Variants in SNTG2 observed in about 807,000 individuals in gnomAD.
The protein encoded by SNTG2 is gamma-2-syntrophin.
A neutral mutation model predicts 70.9 loss-of-function variants in SNTG2; 74 were observed. That is an observed-to-expected ratio of 1.04 (90% CI 0.86 to 1.27). The LOEUF (loss-of-function observed/expected upper bound fraction) is 1.27. SNTG2 is among the 50% of genes most tolerant of loss of function. The probability of loss-of-function intolerance (pLI) is 0.00; values close to 1 mark genes in which losing one functional copy is unlikely to be tolerated. For synonymous variants in SNTG2, 278 were observed against 273.8 expected, an observed-to-expected ratio of 1.02 and a Z score of -0.15; for missense variants, 717 against 690.7, an observed-to-expected ratio of 1.04 and a Z score of -0.43.
chr2:1,058,190 C>T (rs538276099), intron 1 of SNTG2, among the ~76,000 whole-genome samples: 242 of 151,800 alleles, frequency 1.6e-3, no homozygotes, highest in Admixed American at 3.1e-3. Context: ...TCTACCAACA[C>T]GTAAATTTAG....
intron 1 of SNTG2, among the ~76,000 whole-genome samples, chr2:1,075,675 A>G (rs926985008): frequency 1.3e-5 from 2 of 152,234 alleles, no homozygotes; most frequent in Admixed American, 6.5e-5. Flanking sequence ...CCTCACTCAA[A>G]TGACATTTGC....
Position 1,209,197 on chromosome 2 carries a change from T to C in SNTG2, c.686T>C (p.Ile229Thr). 6.2e-7 allele frequency: 1 copy of C among 1,613,936 alleles called. No individual in the cohort carries two copies. Among genetic ancestry groups the C allele is most frequent in the Non-Finnish European group, 8.5e-7 (1 of 1,179,890 alleles). Residue 229 changes from isoleucine to threonine, a missense_variant, in exon 9 of 17, where the codon ATC (isoleucine) becomes ACC (threonine). By Grantham distance (89) the Ile-to-Thr change is moderately conservative (BLOSUM62 -1). Transcript: ENST00000308624. ...TCCGTGCCTCTGTCCATGGCTCGCA[T>C]CTCAAGGTACAAAGCCGGAACGGAA... The part of the protein sequence containing the change: ...TLSVPLSMAR[I>T]SRYKAGTEKL...
chr2:1,364,261 C>T lies in SNTG2; in HGVS notation c.1489-3082C>T, dbSNP rs200920338. Among the ~76,000 whole-genome samples the T allele has an allele frequency of 3.6e-3, 539 of 150,524 alleles. 4 individuals are homozygous for T. The highest frequency in any genetic ancestry group is 0.012 in the African/African-American group (491 of 40,860). On this transcript the variant is annotated intron_variant, in intron 16 of 16. Transcript: ENST00000308624. ...CCTCCCAAAGTGCTGGGATTACAGG[C>T]GTGATCCACCATACCCAGCCATTGC...
intron 1 of SNTG2, among the ~76,000 whole-genome samples, chr2:1,058,860 A>G (rs1662631075): frequency 6.6e-6 from 1 of 152,214 alleles, no homozygotes; most frequent in Non-Finnish European, 1.5e-5. Flanking sequence ...TCCCTGTGCC[A>G]GAGCCCTCCT....
chr2:1,209,309 T>G, intron 9 of SNTG2, 79 bp downstream of exon 9: 2 of 1,566,008 alleles, frequency 1.3e-6, no homozygotes, highest in Non-Finnish European at 1.7e-6. Context: ...CGCTGGTTAC[T>G]CCAGAGCGCT....
chr2:965,948 C>T (rs13413918), intron 1 of SNTG2, among the ~76,000 whole-genome samples: 52,004 of 152,000 alleles, frequency 0.34, 9,639 homozygotes, highest in Middle Eastern at 0.47. Context: ...GGGCCCAGCT[C>T]CTCCCGGCTG....
chr2:975,122 C>T (rs1660868293), intron 1 of SNTG2, among the ~76,000 whole-genome samples: 2 of 152,096 alleles, frequency 1.3e-5, no homozygotes, highest in Non-Finnish European at 2.9e-5. Flanking sequence ...CACACTTGCA[C>T]TAACACCCGT....
chr2:1,252,347 G>C (rs1677819166), intron 12 of SNTG2, among the ~76,000 whole-genome samples: 1 of 152,186 alleles, frequency 6.6e-6, no homozygotes, highest in South Asian at 2.1e-4. Context: ...TAAATTTCTA[G>C]TGGTCTCCAA....
intron 5 of SNTG2, 28 bp downstream of exon 5, chr2:1,137,693 C>T: frequency 2.5e-6 from 4 of 1,613,440 alleles, no homozygotes; most frequent in Non-Finnish European, 3.4e-6. Context: ...TAATCCTTAA[C>T]TTGATTGCAT....
At chr2:1,239,467 A>G (rs1036824955) in intron 10 of SNTG2, among the ~76,000 whole-genome samples, 3 of 152,214 alleles carry the variant, frequency 2.0e-5, no homozygotes, top group Non-Finnish European at 4.4e-5. Flanking sequence ...CTTTTCTCAG[A>G]TATTGGAATT....
At chr2:1,267,251 C>G (rs984663073) in intron 13 of SNTG2, 114 bp from the exon 14 acceptor site, 3 of 986,984 alleles carry the variant, frequency 3.0e-6, no homozygotes, top group Non-Finnish European at 4.6e-6. Context: ...TTGTCTGCAC[C>G]CAGGAGACCG....
chr2:1,250,961 A>T (rs1248975871), intron 12 of SNTG2, among the ~76,000 whole-genome samples: 1 of 152,116 alleles, frequency 6.6e-6, no homozygotes, highest in East Asian at 1.9e-4. Flanking sequence ...GTTTTCATTA[A>T]CTTCTTATTT....
chr2:1,049,266 T>G (rs1055594562), intron 1 of SNTG2, among the ~76,000 whole-genome samples: 9 of 152,146 alleles, frequency 5.9e-5, no homozygotes, highest in African/African-American at 2.2e-4. Context: ...ACCATTATAG[T>G]TTCATACAGA....
chr2:1,082,799 A>T (rs1248524650), intron 1 of SNTG2, among the ~76,000 whole-genome samples: 1 of 152,228 alleles, frequency 6.6e-6, no homozygotes, highest in Non-Finnish European at 1.5e-5. Flanking sequence ...ACTCTCCCGG[A>T]GGAGGAGGCA....
chr2:994,581 A>G (rs1013505053), intron 1 of SNTG2, among the ~76,000 whole-genome samples: 5 of 152,062 alleles, frequency 3.3e-5, no homozygotes, highest in African/African-American at 1.2e-4. Flanking sequence ...ATCAGCTGGG[A>G]TTTTGATAGA....
At chr2:1,065,051 T>C (rs1328994086) in intron 1 of SNTG2, among the ~76,000 whole-genome samples, 1 of 152,128 alleles carries the variant, frequency 6.6e-6, no homozygotes, top group African/African-American at 2.4e-5. Context: ...AGTGTGAAAA[T>C]AGCCAGCTTA....
chr2:1,281,262 A>G (rs113282443), intron 14 of SNTG2, among the ~76,000 whole-genome samples: 22 of 838 alleles, frequency 0.026, no homozygotes, highest in Non-Finnish European at 0.034. Context: ...GTGTGGTGGT[A>G]TGTGTGTGCT....
At chr2:1,228,704 T>C (rs1475730033) in intron 9 of SNTG2, among the ~76,000 whole-genome samples, 2 of 152,172 alleles carry the variant, frequency 1.3e-5, no homozygotes. Context: ...CATTTGATAG[T>C]CCAGATAATT....
At chr2:1,266,430 G>A (rs13034174) in intron 13 of SNTG2, among the ~76,000 whole-genome samples, 46,465 of 152,078 alleles carry the variant, frequency 0.31, 8,005 homozygotes, top group African/African-American at 0.47. Flanking sequence ...ATTAATAGAC[G>A]TGCTGTAAGT....
Sources: gnomAD v4.1 joint callset for allele counts (sites outside exome capture counted in the v4.1 genomes callset) on GRCh38, gnomAD v4.1.1 for gene constraint, MANE v1.5 for transcripts, NCBI Gene and HGNC (gene_info 2026-07-23, HGNC 2026-07-21) for gene names.